Variants in ZNF280D observed in about 807,000 individuals in gnomAD.
The protein encoded by ZNF280D is suppressor of hairy wing homolog 4.
In ZNF280D, 39 loss-of-function variants were observed where a neutral mutation model predicts 94.7. That is an observed-to-expected ratio of 0.41 (90% CI 0.32 to 0.54). The LOEUF (loss-of-function observed/expected upper bound fraction) is 0.54, where lower values mean the gene tolerates loss of function less well. Among genes scored for constraint, ZNF280D ranks in the 20% least tolerant of loss-of-function variants. The pLI, the probability that ZNF280D is intolerant of heterozygous loss-of-function variation, is 0.22. For missense variants in ZNF280D, 1,090 were observed against 1,149.3 expected, an observed-to-expected ratio of 0.95 and a Z score of 0.75; for synonymous variants, 398 against 377.6, an observed-to-expected ratio of 1.05 and a Z score of -0.63.
intron 20 of ZNF280D, among the ~76,000 whole-genome samples, chr15:56,639,661 G>A (rs555404524): frequency 2.0e-5 from 3 of 152,014 alleles, no homozygotes; most frequent in Non-Finnish European, 4.4e-5. Flanking sequence ...AAACTGCATG[G>A]GAATTATTTT....
Position 56,632,066 on chromosome 15 carries a change from A to T in ZNF280D, c.2372T>A (p.Phe791Tyr), listed in dbSNP as rs767173572. The change falls in exon 22 of 22, where the codon TTT becomes TAT. Residue 791 changes from phenylalanine (F) to tyrosine (Y), a missense_variant. Physicochemically the swap from Phe to Tyr is conservative, Grantham distance 22. This residue lies in a region of ZNF280D where 577 missense variants were observed against 568.8 expected (regional missense o/e 1.01). Transcript: ENST00000267807. ...ACTTTTTGTTGTTGATGAGCCTTCA[A>T]ATGAATTTGCATTACATCCATTTTT... ...KEKNGCNANS[F>Y]EGSSTTKSEE... is the part of the protein sequence containing the mutation. 6 of 1,606,532 alleles carry T rather than the reference A, an allele frequency of 3.7e-6. No homozygotes were observed. The highest frequency in any genetic ancestry group is 1.7e-4 in the Middle Eastern group (1 of 5,942).
intron 1 of ZNF280D, among the ~76,000 whole-genome samples, chr15:56,723,853 T>TC (rs1364919317): frequency 9.1e-6 from 1 of 109,486 alleles, no homozygotes; most frequent in Non-Finnish European, 2.3e-5. Flanking sequence ...GCTGAAAATA[T>TC]CGTAAGTTGA....
intron 4 of ZNF280D, among the ~76,000 whole-genome samples, chr15:56,702,272 A>C (rs1179983267): frequency 3.3e-5 from 5 of 152,184 alleles, no homozygotes; most frequent in African/African-American, 1.2e-4. Context: ...TATTTACTCA[A>C]ACCATGAAAG....
chr15:56,709,989 CTAGAACT>C (rs1222121522), intron 1 of ZNF280D, among the ~76,000 whole-genome samples: 1 of 151,938 alleles, frequency 6.6e-6, no homozygotes, highest in Non-Finnish European at 1.5e-5. Flanking sequence ...CACATGTACC[CTAGAACT>C]TAAAGTATAA....
intron 13 of ZNF280D, among the ~76,000 whole-genome samples, chr15:56,671,386 TG>T (rs2054853085): frequency 1.3e-5 from 2 of 152,182 alleles, no homozygotes; most frequent in Non-Finnish European, 2.9e-5. Context: ...TTCAGTTTTC[TG>T]CCTATGGCCA....
chr15:56,729,780 G>C (rs564088865), intron 1 of ZNF280D: 1 of 152,090 alleles, frequency 6.6e-6, no homozygotes, highest in Admixed American at 6.5e-5. Flanking sequence ...TTTCTGCACA[G>C]ATCTGAAAAT....
chr15:56,722,747 T>G (rs911842252), intron 1 of ZNF280D, among the ~76,000 whole-genome samples: 7 of 152,112 alleles, frequency 4.6e-5, no homozygotes, highest in Non-Finnish European at 1.0e-4. Flanking sequence ...CAAAGGACTA[T>G]AAATCATGCT....
chr15:56,662,031 C>G (rs1310191483), intron 16 of ZNF280D, among the ~76,000 whole-genome samples: 1 of 152,028 alleles, frequency 6.6e-6, no homozygotes, highest in Non-Finnish European at 1.5e-5. Flanking sequence ...TATTAAATAC[C>G]TTCCTAGTAG....
At chr15:56,721,696 G>A (rs1313995554) in intron 1 of ZNF280D, among the ~76,000 whole-genome samples, 1 of 152,228 alleles carries the variant, frequency 6.6e-6, no homozygotes, top group Non-Finnish European at 1.5e-5. Context: ...TAGATCTGAA[G>A]AGAGTAGGGT....
intron 19 of ZNF280D, among the ~76,000 whole-genome samples, chr15:56,649,998 A>G (rs1183459011): frequency 1.3e-5 from 2 of 152,124 alleles, no homozygotes; most frequent in Non-Finnish European, 2.9e-5. Flanking sequence ...ATTTCACAAA[A>G]AAAATCCCAT....
intron 16 of ZNF280D, among the ~76,000 whole-genome samples, chr15:56,663,300 G>A (rs28542059): frequency 6.7e-5 from 8 of 120,290 alleles, no homozygotes; most frequent in Non-Finnish European, 9.4e-5. Context: ...AAAAAAAAAA[G>A]GAAAAAAGAA....
At chr15:56,655,670 T>C (rs1461445971) in intron 17 of ZNF280D, among the ~76,000 whole-genome samples, 1 of 152,260 alleles carries the variant, frequency 6.6e-6, no homozygotes, top group Non-Finnish European at 1.5e-5. Flanking sequence ...TTGAATACAC[T>C]TGACATAAAG....
intron 15 of ZNF280D, 38 bp from the exon 16 acceptor site, chr15:56,666,573 T>G: frequency 6.5e-7 from 1 of 1,541,276 alleles, no homozygotes; most frequent in Non-Finnish European, 8.7e-7. Context: ...AAATATATTT[T>G]AAAACAAAAA....
chr15:56,674,829 T>C (rs1369065556), intron 13 of ZNF280D, among the ~76,000 whole-genome samples: 1 of 152,154 alleles, frequency 6.6e-6, no homozygotes, highest in African/African-American at 2.4e-5. Flanking sequence ...AACTGGGTTA[T>C]TAACTCTAAA....
At chr15:56,695,911 C>T (rs1185524182) in intron 6 of ZNF280D, among the ~76,000 whole-genome samples, 4 of 152,108 alleles carry the variant, frequency 2.6e-5, no homozygotes, top group African/African-American at 9.7e-5. Flanking sequence ...CTATAGGGTC[C>T]TGATACACTC....
chr15:56,722,133 C>A (rs1180154740), intron 1 of ZNF280D, among the ~76,000 whole-genome samples: 1 of 152,186 alleles, frequency 6.6e-6, no homozygotes, highest in Non-Finnish European at 1.5e-5. Context: ...AGTCAAAACA[C>A]ACACATTATT....
chr15:56,635,004 A>G (rs1431768644), intron 21 of ZNF280D, among the ~76,000 whole-genome samples, 191 bp downstream of exon 21: 1 of 152,120 alleles, frequency 6.6e-6, no homozygotes, highest in African/African-American at 2.4e-5. Flanking sequence ...AGATTTAAAA[A>G]CAAAGGATAT....
chr15:56,650,283 A>T (rs2053131099), intron 19 of ZNF280D, among the ~76,000 whole-genome samples: 1 of 152,154 alleles, frequency 6.6e-6, no homozygotes, highest in African/African-American at 2.4e-5. Context: ...ACTGGTGCTA[A>T]GTATAAAGCT....
intron 16 of ZNF280D, among the ~76,000 whole-genome samples, chr15:56,661,425 C>A (rs1438508380): frequency 6.6e-6 from 1 of 152,132 alleles, no homozygotes; most frequent in East Asian, 1.9e-4. Flanking sequence ...AGGGGGAAAA[C>A]TGTAGGCAGA....
Sources: gnomAD v4.1 joint callset for allele counts (sites outside exome capture counted in the v4.1 genomes callset) on GRCh38, gnomAD v4.1.1 for gene constraint, gnomAD v4.1.1 regional missense constraint, MANE v1.5 for transcripts, NCBI Gene and HGNC (gene_info 2026-07-23, HGNC 2026-07-21) for gene names.